Variants in MTHFD1L observed in about 807,000 individuals in gnomAD.
MTHFD1L encodes the protein methylenetetrahydrofolate dehydrogenase (NADP+ dependent) 1 like.
Under a neutral mutation model 119.5 loss-of-function variants are expected in MTHFD1L, and 81 were observed. That is an observed-to-expected ratio of 0.68 (90% CI 0.57 to 0.82). The LOEUF is 0.82. Among genes scored for constraint, MTHFD1L ranks in the 40% least tolerant of loss-of-function variants. The pLI is 0.00. For missense variants in MTHFD1L, 1,125 were observed against 1,253.4 expected (o/e 0.90, Z 1.55); for synonymous variants, 430 against 475.2 (o/e 0.90, Z 1.24).
At chr6:150,941,837 C>T (rs954474100) in intron 13 of MTHFD1L, among the ~76,000 whole-genome samples, 6 of 151,976 alleles carry the variant, frequency 3.9e-5, no homozygotes, top group Admixed American at 1.3e-4. Flanking sequence ...ATCAAGTAGA[C>T]GGCTGGAAAG....
intron 27 of MTHFD1L, among the ~76,000 whole-genome samples, chr6:151,093,513 T>C (rs1196148727): frequency 6.6e-6 from 1 of 151,874 alleles, no homozygotes; most frequent in African/African-American, 2.4e-5. Flanking sequence ...GAAAATTAGC[T>C]GGGCGTGTTG....
At chr6:150,866,377 C>T in intron 1 of MTHFD1L, 1 of 1,401,060 alleles carries the variant, frequency 7.1e-7, no homozygotes. Context: ...GCGCCGGGCG[C>T]GACCCAGACG....
At chr6:151,026,621 T>TA (rs1483187002) in intron 24 of MTHFD1L, among the ~76,000 whole-genome samples, 3 of 152,046 alleles carry the variant, frequency 2.0e-5, no homozygotes, top group Admixed American at 6.6e-5. Context: ...AGATTTAACA[T>TA]AATGTTAGTT....
chr6:150,931,936 C>T (rs536449083), intron 11 of MTHFD1L, among the ~76,000 whole-genome samples: 12 of 151,974 alleles, frequency 7.9e-5, no homozygotes, highest in African/African-American at 1.7e-4. Flanking sequence ...CCGAGGCGGG[C>T]GGATCATTTG....
intron 27 of MTHFD1L, chr6:151,099,423 G>A: frequency 1.3e-6 from 1 of 790,446 alleles, no homozygotes; most frequent in South Asian, 1.4e-5. Context: ...AGCCACTACA[G>A]TGAGGCTGGC....
At chr6:150,942,423 C>G (rs1793281445) in intron 13 of MTHFD1L, among the ~76,000 whole-genome samples, 1 of 152,130 alleles carries the variant, frequency 6.6e-6, no homozygotes, top group Non-Finnish European at 1.5e-5. Flanking sequence ...AAAAACACTT[C>G]AGGAAGAAGA....
Position 151,002,966 on chromosome 6 carries a change from A to G in MTHFD1L, c.2126-6853A>G, listed in dbSNP as rs200496397. On this transcript the variant is annotated intron_variant, in intron 20 of 27. Coordinates refer to ENST00000367321, the MANE Select transcript of MTHFD1L (RefSeq NM_015440.5). ...GCATCCTTGCTAGATGCCATTTACA[A>G]CAATCAAAAATGTCTCCAGGCATTG... Among the ~76,000 whole-genome samples the G allele has an allele frequency of 3.9e-5, 6 of 152,236 alleles. No homozygotes were observed. The East Asian group carries it at 1.2e-3, about 29-fold the overall frequency.
chr6:150,866,119 G>A, intron 1 of MTHFD1L, 70 bp downstream of exon 1: 1 of 1,457,512 alleles, frequency 6.9e-7, no homozygotes, highest in Non-Finnish European at 9.0e-7. Flanking sequence ...CGGAGCGCCC[G>A]GGACCGCCGT....
At chr6:150,885,870 A>G (rs1782161074) in intron 6 of MTHFD1L, 136 bp downstream of exon 6, 2 of 634,826 alleles carry the variant, frequency 3.2e-6, no homozygotes, top group Non-Finnish European at 5.3e-6. Flanking sequence ...TGTTTCTAGA[A>G]GATTCTAATT....
At chr6:151,067,466 G>C (rs1458163052) in intron 26 of MTHFD1L, among the ~76,000 whole-genome samples, 1 of 151,868 alleles carries the variant, frequency 6.6e-6, no homozygotes, top group Non-Finnish European at 1.5e-5. Context: ...TGGGATTCCA[G>C]GTGTGCGCCA....
chr6:151,034,661 C>G, intron 25 of MTHFD1L, 61 bp downstream of exon 25: 1 of 1,073,298 alleles, frequency 9.3e-7, no homozygotes. Context: ...GAATACTCAG[C>G]TTGACTTGAG....
intron 24 of MTHFD1L, among the ~76,000 whole-genome samples, chr6:151,024,032 T>C (rs1207033440): frequency 6.6e-6 from 1 of 151,904 alleles, no homozygotes; most frequent in Non-Finnish European, 1.5e-5. Context: ...ACTACGATCT[T>C]AGGGTTTAGG....
chr6:151,000,003 C>T (rs1780383959), intron 20 of MTHFD1L, among the ~76,000 whole-genome samples: 1 of 152,198 alleles, frequency 6.6e-6, no homozygotes, highest in African/African-American at 2.4e-5. Context: ...ACTTGGTCAT[C>T]ACCAAAGAGG....
rs1430427207 is a variant in MTHFD1L, at chr6:150,877,754, C to T, written c.364-19C>T. 6.2e-7 allele frequency: 1 copy of T among 1,614,186 alleles called. No individual in the cohort carries two copies. The highest frequency in any genetic ancestry group is 1.7e-5 in the Admixed American group (1 of 60,028). On this transcript the variant is annotated intron_variant, in intron 3 of 27. Coordinates refer to ENST00000367321, the MANE Select transcript of MTHFD1L (RefSeq NM_015440.5). Reference sequence around the variant, plus strand: ...TACATTCTCTTATAGTGACGAATAACCTTGTGTTCCTTTTTCAGGCTGGTC... The same window carrying T: ...TACATTCTCTTATAGTGACGAATAATCTTGTGTTCCTTTTTCAGGCTGGTC...
intron 24 of MTHFD1L, among the ~76,000 whole-genome samples, chr6:151,030,873 T>A (rs767904515): frequency 6.6e-6 from 1 of 152,210 alleles, no homozygotes; most frequent in African/African-American, 2.4e-5. Context: ...CTTCAGCTAA[T>A]ATGAACATTG....
At chr6:150,917,853 GT>G in intron 8 of MTHFD1L, among the ~76,000 whole-genome samples, 1 of 152,252 alleles carries the variant, frequency 6.6e-6, no homozygotes, top group South Asian at 2.1e-4. Flanking sequence ...GCATCCACAT[GT>G]TTTAAATGTT....
At chr6:150,947,030 G>A (rs561638465) in intron 15 of MTHFD1L, among the ~76,000 whole-genome samples, 46 of 149,684 alleles carry the variant, frequency 3.1e-4, no homozygotes, top group Non-Finnish European at 7.4e-5. Context: ...AGCCGAGATC[G>A]TGCCATTGCA....
chr6:150,973,616 T>C (rs1776099254), intron 20 of MTHFD1L, among the ~76,000 whole-genome samples: 2 of 152,220 alleles, frequency 1.3e-5, no homozygotes, highest in Non-Finnish European at 2.9e-5. Flanking sequence ...CCATACCAGT[T>C]CTTACTTTGT....
At chr6:151,030,493 A>G (rs1785177459) in intron 24 of MTHFD1L, among the ~76,000 whole-genome samples, 1 of 152,138 alleles carries the variant, frequency 6.6e-6, no homozygotes, top group African/African-American at 2.4e-5. Flanking sequence ...ACCAACTTTT[A>G]TTTCTTAAAA....
Sources: allele counts gnomAD v4.1 joint callset (sites outside exome capture counted in the v4.1 genomes callset), GRCh38; gene constraint gnomAD v4.1.1; transcripts MANE v1.5; gene names NCBI Gene and HGNC (gene_info 2026-07-23, HGNC 2026-07-21).